PCOLCE2: variants seen among roughly 807,000 people sequenced by gnomAD.
The protein encoded by PCOLCE2 is procollagen C-proteinase enhancer 2.
In PCOLCE2, 42 loss-of-function variants were observed where a neutral mutation model predicts 47.0. The observed-to-expected ratio is 0.89, with a 90% CI of 0.70 to 1.16. The LOEUF (loss-of-function observed/expected upper bound fraction) is 1.16, where lower values mean the gene tolerates loss of function less well. Among genes scored for constraint, PCOLCE2 ranks in the 50% most tolerant of loss-of-function variants. PCOLCE2 has a pLI of 0.00. For missense variants in PCOLCE2, 500 were observed against 526.1 expected (o/e 0.95, Z 0.49); for synonymous variants, 169 against 191.7 (o/e 0.88, Z 0.98).
At chr3:142,857,191 G>A (rs550630404) in intron 2 of PCOLCE2, among the ~76,000 whole-genome samples, 2 of 152,324 alleles carry the variant, frequency 1.3e-5, no homozygotes, top group East Asian at 1.9e-4. Flanking sequence ...CCACAGCACT[G>A]GCACCTCCTG....
intron 2 of PCOLCE2, among the ~76,000 whole-genome samples, chr3:142,851,038 C>T (rs1255903113): frequency 3.3e-5 from 5 of 152,092 alleles, no homozygotes; most frequent in Middle Eastern, 3.2e-3. Context: ...TGCCCAATGA[C>T]AGAAGGGAAG....
chr3:142,862,157 C>T (rs1933192689), intron 2 of PCOLCE2, among the ~76,000 whole-genome samples: 1 of 152,146 alleles, frequency 6.6e-6, no homozygotes, highest in African/African-American at 2.4e-5. Flanking sequence ...AGACAGCACC[C>T]TTGCTGCTGG....
chr3:142,853,859 C>A (rs986409395), intron 2 of PCOLCE2, among the ~76,000 whole-genome samples: 1 of 152,144 alleles, frequency 6.6e-6, no homozygotes, highest in Non-Finnish European at 1.5e-5. Flanking sequence ...AAAAACAATT[C>A]GACGTTTGTG....
chr3:142,861,104 A>C (rs909871314), intron 2 of PCOLCE2, among the ~76,000 whole-genome samples: 6 of 152,242 alleles, frequency 3.9e-5, no homozygotes, highest in African/African-American at 1.4e-4. Context: ...CTTGTCTGCC[A>C]GTTTGGCAAG....
rs551525104 is a variant in PCOLCE2, at chr3:142,888,350, T to C, written c.83+464A>G. On this transcript the variant is annotated intron_variant, in intron 1 of 8. Coordinates refer to ENST00000295992, the MANE Select transcript of PCOLCE2 (RefSeq NM_013363.4). ...CCCAGCTCCTGGGGCCTTCCAGAGG[T>C]TGGCGAAGAGTTAACTTTCCGGAGC... Among the ~76,000 whole-genome samples, 18 of 152,152 alleles carry C rather than the reference T, an allele frequency of 1.2e-4. No individual in the cohort carries two copies. In the East Asian group the frequency reaches 3.5e-3, roughly 29 times the overall value.
intron 6 of PCOLCE2, among the ~76,000 whole-genome samples, chr3:142,828,738 G>A (rs911189315): frequency 6.6e-6 from 1 of 152,340 alleles, no homozygotes; most frequent in African/African-American, 2.4e-5. Context: ...AGAAAGTTGA[G>A]GATGGAGATA....
intron 2 of PCOLCE2, among the ~76,000 whole-genome samples, chr3:142,865,500 C>G (rs1011384303): frequency 1.3e-5 from 2 of 152,062 alleles, no homozygotes; most frequent in African/African-American, 4.8e-5. Flanking sequence ...TGAAGTTACC[C>G]CATACAAAAT....
chr3:142,878,464 T>C (rs887738990), intron 2 of PCOLCE2, among the ~76,000 whole-genome samples: 1 of 152,140 alleles, frequency 6.6e-6, no homozygotes, highest in African/African-American at 2.4e-5. Flanking sequence ...GGTGCAACTG[T>C]CTAAGTTGAG....
intron 6 of PCOLCE2, chr3:142,827,047 C>T: frequency 2.1e-6 from 2 of 973,824 alleles, no homozygotes; most frequent in Admixed American, 3.7e-5. Flanking sequence ...ATATTGATGA[C>T]TCTTACTTTT....
In PCOLCE2 at chr3:142,854,327, ACAGTTGATC is replaced by A. The variant is rs1225335817; in HGVS notation, c.193-5864_193-5856del. Among the ~76,000 whole-genome samples the A allele has an allele frequency of 3.2e-5, 3 of 93,148 alleles. No homozygotes were observed. In the East Asian group the frequency reaches 6.7e-4, roughly 21 times the overall value. 61.1% of individuals were successfully genotyped at this position (93,148 alleles called of 152,430 possible). The stretch of plus-strand genomic sequence containing the variant: ...AGTTGATCTACGTAAAGCTCGAGGC[ACAGTTGATC>A]TACGTAAAGCTCGAGGTGACCACTC... On this transcript the variant is annotated intron_variant, in intron 2 of 8. Transcript: ENST00000295992.
chr3:142,888,635 C>A, intron 1 of PCOLCE2, 179 bp downstream of exon 1: 1 of 443,106 alleles, frequency 2.3e-6, no homozygotes, highest in Non-Finnish European at 4.1e-6. Context: ...AAGGATGGGT[C>A]CCGAAGTCCC....
intron 2 of PCOLCE2, among the ~76,000 whole-genome samples, chr3:142,853,700 T>C (rs921126686): frequency 1.3e-5 from 2 of 152,224 alleles, no homozygotes; most frequent in African/African-American, 2.4e-5. Flanking sequence ...AAAAAGCAGA[T>C]GCATATCTTT....
At position 142,869,302 on chromosome 3, in the gene PCOLCE2, C is replaced by A. The variant is rs536128822; in HGVS notation, c.192+18367G>T. 4.0e-3 allele frequency among the ~76,000 whole-genome samples: 601 copies of A among 150,760 alleles called. 1 individual carries two copies. The highest frequency in any genetic ancestry group is 6.8e-3 in the Middle Eastern group (2 of 292). ...TGAGACTCTGTCTCAAAAAAAAAAA[C>A]CAAAAAAAACAGAGACCTTAAGACT... On this transcript the variant is annotated intron_variant, in intron 2 of 8. Transcript: ENST00000295992.
chr3:142,859,499 T>G (rs1294143120), intron 2 of PCOLCE2, among the ~76,000 whole-genome samples: 3 of 152,034 alleles, frequency 2.0e-5, no homozygotes, highest in African/African-American at 4.8e-5. Context: ...AATCTGGAAT[T>G]TCATCTGATA....
chr3:142,824,924 A>G (rs1937057340), intron 6 of PCOLCE2, among the ~76,000 whole-genome samples: 1 of 152,172 alleles, frequency 6.6e-6, no homozygotes, highest in Admixed American at 6.5e-5. Flanking sequence ...CACCGCGCCC[A>G]GCCTATTTAT....
chr3:142,845,655 GAC>G (rs1321599490), intron 3 of PCOLCE2, among the ~76,000 whole-genome samples: 9 of 152,108 alleles, frequency 5.9e-5, no homozygotes, highest in African/African-American at 2.2e-4. Context: ...AATAGAGGTT[GAC>G]AGTTTTATTC....
rs921735101 is a variant in PCOLCE2, at chr3:142,842,894, T to C, written c.573+30A>G. The C allele has an allele frequency of 1.1e-5, 17 of 1,612,876 alleles. No individual in the cohort carries two copies. Among genetic ancestry groups the C allele is most frequent in the Non-Finnish European group, 1.4e-5 (16 of 1,179,192 alleles). ...CCACACTGGGCAATTCACACATGCA[T>C]GCTTTCTTCACACTTCCAGGGAATC... On this transcript the variant is annotated intron_variant, in intron 4 of 8. Coordinates refer to ENST00000295992, the MANE Select transcript of PCOLCE2 (RefSeq NM_013363.4). This position sits in a 1 kb window ranked among gnomAD's most constrained non-coding sequence, Gnocchi z 4.1.
chr3:142,840,116 T>C lies in PCOLCE2; in HGVS notation c.574-1210A>G, dbSNP rs1168199354. ...TTCAGGGAAGTGGAATTGATGGCAGTGTCTTCTTGAAGTATGTTTGAAATG... is the reference window on the plus strand; with the variant it reads ...TTCAGGGAAGTGGAATTGATGGCAGCGTCTTCTTGAAGTATGTTTGAAATG... On this transcript the variant is annotated intron_variant, in intron 4 of 8. Coordinates refer to ENST00000295992, the MANE Select transcript of PCOLCE2 (RefSeq NM_013363.4). Among the ~76,000 whole-genome samples, 3 of 152,230 alleles carry C rather than the reference T, an allele frequency of 2.0e-5. No homozygotes were observed. The East Asian group carries it at 5.8e-4, about 29-fold the overall frequency.
intron 2 of PCOLCE2, among the ~76,000 whole-genome samples, chr3:142,873,898 A>G (rs1933446370): frequency 6.6e-6 from 1 of 152,192 alleles, no homozygotes. Context: ...TACAGAGTAC[A>G]AAAACTTAGA....
Sources: gnomAD v4.1 joint callset for allele counts (sites outside exome capture counted in the v4.1 genomes callset) on GRCh38, gnomAD v4.1.1 for gene constraint, Gnocchi (gnomAD v3.1) non-coding constraint, MANE v1.5 for transcripts, NCBI Gene and HGNC (gene_info 2026-07-23, HGNC 2026-07-21) for gene names.